Variants in CAMK2D observed in about 807,000 individuals in gnomAD.
CAMK2D encodes calcium/calmodulin dependent protein kinase II delta.
CAMK2D carries 37 observed loss-of-function variants against 84.0 expected under a neutral mutation model. The observed-to-expected ratio is 0.44, with a 90% confidence interval of 0.34 to 0.58. The LOEUF (loss-of-function observed/expected upper bound fraction) is 0.58, where lower values mean the gene tolerates loss of function less well. Ranked by LOEUF, CAMK2D falls within the 20% of genes least tolerant of loss-of-function variation. The probability of loss-of-function intolerance (pLI) is 0.02; values close to 1 mark genes in which losing one functional copy is unlikely to be tolerated. For synonymous variants in CAMK2D, 202 were observed against 212.5 expected, an observed-to-expected ratio of 0.95 and a Z score of 0.43; for missense variants, 448 against 652.5, an observed-to-expected ratio of 0.69 and a Z score of 3.41.
At chr4:113,547,118 C>T (rs2098583430) in intron 6 of CAMK2D, among the ~76,000 whole-genome samples, 1 of 152,110 alleles carries the variant, frequency 6.6e-6, no homozygotes, top group African/African-American at 2.4e-5. Flanking sequence ...ACTAAGAGGC[C>T]TCAGTGTCCT....
chr4:113,507,633 A>T (rs1378159691), intron 13 of CAMK2D, among the ~76,000 whole-genome samples: 2 of 152,164 alleles, frequency 1.3e-5, no homozygotes, highest in Non-Finnish European at 2.9e-5. Flanking sequence ...TTTTATGTTA[A>T]TAGAAGCAAG....
At chr4:113,756,470 T>C (rs2149128360) in intron 2 of CAMK2D, among the ~76,000 whole-genome samples, 1 of 152,102 alleles carries the variant, frequency 6.6e-6, no homozygotes, top group African/African-American at 2.4e-5. Context: ...TATGCAACTC[T>C]CAAAAATCAG....
chr4:113,757,804 G>A (rs1389653168), intron 2 of CAMK2D, among the ~76,000 whole-genome samples: 1 of 152,128 alleles, frequency 6.6e-6, no homozygotes, highest in Non-Finnish European at 1.5e-5. Context: ...AGGGAAAAGA[G>A]AGTAAAATGT....
Position 113,455,812 on chromosome 4 carries a change from A to G in CAMK2D, c.1545T>C (p.Cys515=), listed in dbSNP as rs1436972813. 5.6e-6 allele frequency: 9 copies of G among 1,608,428 alleles called. No homozygotes were observed. The Admixed American group carries it at 8.3e-5, about 15-fold the overall frequency. Residue 515 remains cysteine (C), a synonymous_variant, in exon 20 of 21, where the codon TGT becomes TGC. Transcript: ENST00000511664. ...AGAAGTTTTCTTTCCCATTTGGAAT[A>G]CAGGGTGGCCTATTAAGAGAAGCCC... ...GSPTVPIKPP[C]IPNGKENFSG... is the part of the protein sequence containing the mutation.
At chr4:113,583,106 C>G (rs949377356) in intron 4 of CAMK2D, among the ~76,000 whole-genome samples, 1 of 152,156 alleles carries the variant, frequency 6.6e-6, no homozygotes, top group Non-Finnish European at 1.5e-5. Flanking sequence ...TAAATTGCTG[C>G]CATGCTAAAT....
rs146964754 is a variant in CAMK2D, at chr4:113,668,200, A to G, written c.161-6428T>C. Among the ~76,000 whole-genome samples, 662 of 152,324 alleles carry G rather than the reference A, an allele frequency of 4.3e-3. 3 individuals are homozygous for G. Among genetic ancestry groups the G allele is most frequent in the Middle Eastern group, 0.01 (3 of 294 alleles). ...CATTCTGCAGTTTCATCTACGGAGG[A>G]AAATGGAATTTTCAACTGACTACAG... On this transcript the variant is annotated intron_variant, in intron 2 of 20. Coordinates refer to ENST00000511664, the MANE Select transcript of CAMK2D (RefSeq NM_001321571.2).
intron 4 of CAMK2D, among the ~76,000 whole-genome samples, chr4:113,599,882 G>A (rs1456474391): frequency 7.3e-6 from 1 of 136,998 alleles, no homozygotes; most frequent in Non-Finnish European, 1.6e-5. Flanking sequence ...CTGAAGAGGA[G>A]GAGGAGGAAG....
intron 2 of CAMK2D, among the ~76,000 whole-genome samples, chr4:113,695,192 T>C (rs1440653108): frequency 6.6e-6 from 1 of 152,048 alleles, no homozygotes; most frequent in African/African-American, 2.4e-5. Context: ...GCCTTGGAAT[T>C]TGTGGGATGG....
At chr4:113,564,584 C>T (rs2098713673) in intron 4 of CAMK2D, among the ~76,000 whole-genome samples, 3 of 151,966 alleles carry the variant, frequency 2.0e-5, no homozygotes, top group Non-Finnish European at 4.4e-5. Context: ...AGGACCATGT[C>T]TTACTTATTT....
At chr4:113,755,197 C>CAT (rs1594198516) in intron 2 of CAMK2D, 3 of 266,142 alleles carry the variant, frequency 1.1e-5, no homozygotes, top group East Asian at 1.8e-4. Flanking sequence ...CACACACACA[C>CAT]ACACACACAC....
At chr4:113,638,688 C>T (rs1226718627) in intron 3 of CAMK2D, among the ~76,000 whole-genome samples, 2 of 152,084 alleles carry the variant, frequency 1.3e-5, no homozygotes, top group Non-Finnish European at 2.9e-5. Context: ...TCCTACTCAG[C>T]TTTTGTGCAA....
intron 2 of CAMK2D, among the ~76,000 whole-genome samples, chr4:113,743,914 T>C (rs1005611058): frequency 6.6e-6 from 1 of 151,998 alleles, no homozygotes; most frequent in Admixed American, 6.6e-5. Context: ...AATCCTGGCT[T>C]ACTGCAAGCT....
chr4:113,565,824 T>C (rs2098721145), intron 4 of CAMK2D, among the ~76,000 whole-genome samples: 1 of 152,084 alleles, frequency 6.6e-6, no homozygotes, highest in African/African-American at 2.4e-5. Context: ...AAAACTAGGA[T>C]AAATTCACTT....
chr4:113,558,688 A>G (rs188609206), intron 4 of CAMK2D, among the ~76,000 whole-genome samples: 20 of 151,372 alleles, frequency 1.3e-4, no homozygotes, highest in African/African-American at 2.9e-4. Context: ...TCATGTGTGT[A>G]TATATATATG....
intron 2 of CAMK2D, among the ~76,000 whole-genome samples, chr4:113,727,942 G>A (rs1167566715): frequency 6.6e-6 from 1 of 152,110 alleles, no homozygotes; most frequent in Non-Finnish European, 1.5e-5. Flanking sequence ...TTAGGGAAAT[G>A]CAAATTAAAA....
At chr4:113,560,467 T>C (rs2098693045) in intron 4 of CAMK2D, among the ~76,000 whole-genome samples, 1 of 152,222 alleles carries the variant, frequency 6.6e-6, no homozygotes, top group African/African-American at 2.4e-5. Flanking sequence ...CTGTGGAACA[T>C]GCTTTAAAGC....
chr4:113,761,486 GGGGA>G lies in CAMK2D; in HGVS notation c.-422_-419del, dbSNP rs2149202840. ...CTGGAGCAGGAGGAGTAGAAGCAGA[GGGGA>G]GGGAGTCCGAGGGGGCGGAGGTGGA... On this transcript the variant is annotated 5_prime_UTR_variant, in exon 1 of 21. Coordinates refer to ENST00000511664, the MANE Select transcript of CAMK2D (RefSeq NM_001321571.2). 9.4e-7 allele frequency: 1 copy of G among 1,069,040 alleles called. No individual in the cohort carries two copies. Among genetic ancestry groups the G allele is most frequent in the Non-Finnish European group, 1.1e-6 (1 of 878,882 alleles). 66.2% of individuals were successfully genotyped at this position (1,069,040 alleles called of 1,614,324 possible).
intron 4 of CAMK2D, among the ~76,000 whole-genome samples, chr4:113,602,163 T>C (rs1256072013): frequency 6.6e-6 from 1 of 152,088 alleles, no homozygotes; most frequent in East Asian, 1.9e-4. Context: ...CTAAACTAAG[T>C]CCATTTTTGC....
At position 113,761,228 on chromosome 4, in the gene CAMK2D, G is replaced by T; in HGVS notation, c.-160C>A. 2.7e-6 allele frequency: 4 copies of T among 1,489,144 alleles called. No individual in the cohort carries two copies. The highest frequency in any genetic ancestry group is 2.7e-6 in the Non-Finnish European group (3 of 1,122,882). The allele number at this position is 1,489,144 out of a possible 1,614,324, so 92.2% of individuals were successfully genotyped here. The stretch of plus-strand genomic sequence containing the variant: ...CCGCGAGGGAGTGTGCGCAGGGGCG[G>T]GGCGGGAGGGGAGATGACCAGAAAG... On this transcript the variant is annotated 5_prime_UTR_variant, in exon 1 of 21. Coordinates refer to ENST00000511664, the MANE Select transcript of CAMK2D (RefSeq NM_001321571.2).
Sources: gnomAD v4.1 joint callset for allele counts (sites outside exome capture counted in the v4.1 genomes callset) on GRCh38, gnomAD v4.1.1 for gene constraint, MANE v1.5 for transcripts, NCBI Gene and HGNC (gene_info 2026-07-23, HGNC 2026-07-21) for gene names.